Variants in TRHDE observed in about 807,000 individuals in gnomAD.
The protein encoded by TRHDE is thyrotropin releasing hormone degrading enzyme.
TRHDE carries 72 observed loss-of-function variants against 125.7 expected under a neutral mutation model. The ratio of observed to expected loss-of-function variants is 0.57; its 90% CI spans 0.47 to 0.70. TRHDE has a LOEUF of 0.70. TRHDE is among the 30% of genes least tolerant of loss of function. The pLI is 0.00. For synonymous variants in TRHDE, 509 were observed against 509.1 expected, an observed-to-expected ratio of 1.00 and a Z score of 0.00; for missense variants, 1,110 against 1,327.1, an observed-to-expected ratio of 0.84 and a Z score of 2.54.
intron 3 of TRHDE, among the ~76,000 whole-genome samples, chr12:72,465,148 C>T (rs375857739): frequency 3.3e-5 from 5 of 151,690 alleles, no homozygotes; most frequent in African/African-American, 1.2e-4. Context: ...TAATTTAATT[C>T]GTTGTGAATT....
intron 2 of TRHDE, among the ~76,000 whole-genome samples, chr12:72,147,126 G>C (rs1253812507): frequency 1.3e-5 from 2 of 152,046 alleles, no homozygotes; most frequent in Non-Finnish European, 2.9e-5. Context: ...GGCAAAATAG[G>C]GGGTGTGGTG....
At chr12:72,137,938 G>A (rs932331937) in intron 2 of TRHDE, among the ~76,000 whole-genome samples, 7 of 152,176 alleles carry the variant, frequency 4.6e-5, no homozygotes, top group African/African-American at 1.7e-4. Context: ...AGAACAATAG[G>A]TAAGAAAGTG....
intron 2 of TRHDE, among the ~76,000 whole-genome samples, chr12:72,319,392 G>GATTTGACT: frequency 1.3e-5 from 2 of 152,218 alleles, no homozygotes; most frequent in Admixed American, 6.5e-5. Context: ...AGAAGTTATG[G>GATTTGACT]ATTTGACTTT....
intron 6 of TRHDE, among the ~76,000 whole-genome samples, chr12:72,530,439 T>TTA (rs398044497): frequency 3.4e-5 from 5 of 146,664 alleles, no homozygotes; most frequent in Admixed American, 1.4e-4. Flanking sequence ...TTTTTTTTTT[T>TTA]AACTTTAACC....
intron 12 of TRHDE, among the ~76,000 whole-genome samples, chr12:72,610,144 T>A (rs897740282): frequency 4.6e-5 from 7 of 152,218 alleles, no homozygotes; most frequent in African/African-American, 1.7e-4. Context: ...AATTCATTAT[T>A]GAAATTATTT....
chr12:72,383,062 T>C (rs1187855374), intron 3 of TRHDE, among the ~76,000 whole-genome samples: 2 of 152,226 alleles, frequency 1.3e-5, no homozygotes, highest in African/African-American at 4.8e-5. Flanking sequence ...TGTGAAAATT[T>C]GTTTTTAAAT....
intron 2 of TRHDE, among the ~76,000 whole-genome samples, chr12:72,165,386 A>G (rs1876721869): frequency 6.6e-6 from 1 of 152,228 alleles, no homozygotes; most frequent in African/African-American, 2.4e-5. Context: ...GAAAATACTC[A>G]GATCTTTCAG....
At chr12:72,166,692 G>A (rs1446726890) in intron 2 of TRHDE, among the ~76,000 whole-genome samples, 1 of 152,118 alleles carries the variant, frequency 6.6e-6, no homozygotes, top group Non-Finnish European at 1.5e-5. Flanking sequence ...AGTTTCATAT[G>A]ACCTGAGAAA....
At position 72,173,820 on chromosome 12, in the gene TRHDE, T is replaced by C. The variant is rs1321847195; in HGVS notation, n.279+68068T>C. On this transcript the variant is annotated intron_variant and non_coding_transcript_variant, in intron 2 of 4. Transcript: ENST00000548156. ...ACACACACATTAATTTTTCCTGAAC[T>C]GTTTTTAAGTTGCAGACATTACATA... Among the ~76,000 whole-genome samples, 6 of 152,162 alleles carry C rather than the reference T, an allele frequency of 3.9e-5. No individual in the cohort carries two copies. The East Asian group carries it at 5.8e-4, about 15-fold the overall frequency.
intron 2 of TRHDE, chr12:72,186,605 AT>A: frequency 5.9e-6 from 1 of 169,834 alleles, no homozygotes; most frequent in Non-Finnish European, 1.2e-5. Flanking sequence ...TCCGGACACA[AT>A]TTCACTGAAG....
At chr12:72,489,477 A>C (rs191553598) in intron 5 of TRHDE, among the ~76,000 whole-genome samples, 9 of 152,048 alleles carry the variant, frequency 5.9e-5, no homozygotes, top group Non-Finnish European at 1.2e-4. Context: ...CATTATGCAC[A>C]GAAATAGAAG....
intron 2 of TRHDE, among the ~76,000 whole-genome samples, chr12:72,226,229 T>C (rs1379942471): frequency 1.3e-5 from 2 of 152,170 alleles, no homozygotes; most frequent in Non-Finnish European, 2.9e-5. Context: ...TTGCTGACCA[T>C]GGCAAGTGAG....
intron 2 of TRHDE, among the ~76,000 whole-genome samples, chr12:72,192,694 C>T (rs1182432218): frequency 6.6e-6 from 1 of 151,956 alleles, no homozygotes; most frequent in Non-Finnish European, 1.5e-5. Context: ...TTAAAAATCT[C>T]CTAACCTTTG....
chr12:72,240,245 T>A (rs1878447684), intron 2 of TRHDE, among the ~76,000 whole-genome samples: 1 of 150,722 alleles, frequency 6.6e-6, no homozygotes, highest in Admixed American at 6.6e-5. Context: ...CACGGCAAGA[T>A]TAAAATCCTA....
chr12:72,406,820 C>G (rs1231955103), intron 3 of TRHDE, among the ~76,000 whole-genome samples: 1 of 152,148 alleles, frequency 6.6e-6, no homozygotes, highest in South Asian at 2.1e-4. Flanking sequence ...TAGCATTGCA[C>G]AGATTACTGC....
At chr12:72,216,328 C>T (rs1269147853) in intron 2 of TRHDE, among the ~76,000 whole-genome samples, 3 of 152,116 alleles carry the variant, frequency 2.0e-5, no homozygotes, top group Admixed American at 2.0e-4. Flanking sequence ...CCCATTATTT[C>T]ACTTTATTCT....
intron 2 of TRHDE, among the ~76,000 whole-genome samples, chr12:72,265,552 C>A (rs1385163094): frequency 6.6e-6 from 1 of 150,638 alleles, no homozygotes; most frequent in East Asian, 1.9e-4. Flanking sequence ...CCCACCCCCC[C>A]AGAAAAAAAG....
intron 2 of TRHDE, among the ~76,000 whole-genome samples, chr12:72,145,692 G>A (rs1876210688): frequency 6.6e-6 from 1 of 152,082 alleles, no homozygotes; most frequent in South Asian, 2.1e-4. Flanking sequence ...AATCCTTTCT[G>A]TATGACCCAT....
At chr12:72,651,968 T>C (rs1874524759) in intron 15 of TRHDE, among the ~76,000 whole-genome samples, 1 of 151,934 alleles carries the variant, frequency 6.6e-6, no homozygotes, top group Admixed American at 6.6e-5. Context: ...GGTCTACCAA[T>C]TATGAGAGCA....
Sources: gnomAD v4.1 joint callset for allele counts (sites outside exome capture counted in the v4.1 genomes callset) on GRCh38, gnomAD v4.1.1 for gene constraint, MANE v1.5 for transcripts, NCBI Gene and HGNC (gene_info 2026-07-23, HGNC 2026-07-21) for gene names.